IQGAP2: variants seen among roughly 807,000 people sequenced by gnomAD.
IQGAP2 encodes IQ motif containing GTPase activating protein 2, also known as ras GTPase-activating-like protein IQGAP2.
A neutral mutation model predicts 201.3 loss-of-function variants in IQGAP2; 173 were observed. That is an observed-to-expected ratio of 0.86 (90% CI 0.76 to 0.98). The LOEUF (loss-of-function observed/expected upper bound fraction) is 0.98, where lower values mean the gene tolerates loss of function less well. Among genes scored for constraint, IQGAP2 ranks in the 50% least tolerant of loss-of-function variants. The pLI is 0.00. For missense variants in IQGAP2, 1,687 were observed against 1,864.8 expected, an observed-to-expected ratio of 0.90 and a Z score of 1.76; for synonymous variants, 675 against 673.9, an observed-to-expected ratio of 1.00 and a Z score of -0.03.
At chr5:76,458,273 A>G (rs1240265117) in intron 1 of IQGAP2, among the ~76,000 whole-genome samples, 2 of 152,194 alleles carry the variant, frequency 1.3e-5, no homozygotes, top group East Asian at 1.9e-4. Context: ...GAACCACAGA[A>G]CCACACAGTA....
intron 22 of IQGAP2, among the ~76,000 whole-genome samples, chr5:76,666,995 C>T (rs1260679603): frequency 6.6e-6 from 1 of 152,200 alleles, no homozygotes; most frequent in Non-Finnish European, 1.5e-5. Context: ...ATCCACCCAT[C>T]TCAGCCTCCT....
Position 76,631,865 on chromosome 5 carries a change from C to A in IQGAP2, c.1619C>A (p.Thr540Asn). The A allele has an allele frequency of 1.3e-6, 2 of 1,580,388 alleles. No individual in the cohort carries two copies. Among genetic ancestry groups the A allele is most frequent in the Non-Finnish European group, 8.6e-7 (1 of 1,160,048 alleles). Residue 540 changes from threonine to asparagine, a missense_variant, in exon 15 of 36, where the codon ACT becomes AAT. Transcript: ENST00000274364. ...TTTTTTTTCAATTACCCAGGGGTTA[C>A]TCTGGTGGTTGATGTTAATCAGTGT... is the stretch of plus-strand genomic sequence containing the variant. ...VDKDRAKQWVTLVVDVNQCLE... is the reference protein window; with the variant it reads ...VDKDRAKQWVNLVVDVNQCLE...
intron 2 of IQGAP2, among the ~76,000 whole-genome samples, chr5:76,482,312 A>C (rs1009755317): frequency 3.9e-5 from 6 of 152,194 alleles, no homozygotes; most frequent in Admixed American, 6.5e-5. Context: ...ACCAAAATAT[A>C]TGCTTATAAA....
intron 30 of IQGAP2, 60 bp from the exon 31 acceptor site, chr5:76,693,295 C>T: frequency 8.8e-7 from 1 of 1,135,816 alleles, no homozygotes; most frequent in African/African-American, 1.6e-5. Flanking sequence ...TTAGGAGAAA[C>T]AGATTTTTGT....
At chr5:76,501,841 C>T (rs1284064968) in intron 2 of IQGAP2, among the ~76,000 whole-genome samples, 1 of 151,850 alleles carries the variant, frequency 6.6e-6, no homozygotes, top group Non-Finnish European at 1.5e-5. Flanking sequence ...GGGGGTTTCA[C>T]CATGTTGGTC....
At chr5:76,626,488 C>G (rs1750248604) in intron 13 of IQGAP2, among the ~76,000 whole-genome samples, 1 of 151,926 alleles carries the variant, frequency 6.6e-6, no homozygotes, top group Non-Finnish European at 1.5e-5. Flanking sequence ...CCAGGCTGGT[C>G]TCGAACTCCT....
At position 76,702,537 on chromosome 5, in the gene IQGAP2, G is replaced by A; in HGVS notation, c.4561G>A (p.Val1521Ile). The change falls in exon 35 of 36, where the codon GTA becomes ATA. Residue 1521 changes from valine to isoleucine, a missense_variant. Transcript: ENST00000274364. ...IATEDVGIFD[V>I]RSKFLGVEME... ...TACTGAAGATGTAGGCATTTTCGAT[G>A]TAAGATCAAAATTCCTTGGTGTTGA... The A allele has an allele frequency of 6.2e-7, 1 of 1,602,636 alleles. No individual in the cohort carries two copies. Among genetic ancestry groups the A allele is most frequent in the South Asian group, 1.1e-5 (1 of 90,786 alleles).
chr5:76,499,116 A>C (rs1385368741), intron 2 of IQGAP2, among the ~76,000 whole-genome samples: 1 of 152,128 alleles, frequency 6.6e-6, no homozygotes, highest in Non-Finnish European at 1.5e-5. Context: ...CCTGGCAGGG[A>C]ATTTGGGTTC....
chr5:76,541,970 T>A (rs189085403), intron 2 of IQGAP2, among the ~76,000 whole-genome samples: 11 of 152,340 alleles, frequency 7.2e-5, no homozygotes, highest in African/African-American at 2.6e-4. Flanking sequence ...AGAATGTTTA[T>A]TTTTTGTGTG....
chr5:76,637,142 A>G lies in IQGAP2; in HGVS notation c.1889A>G (p.Tyr630Cys), dbSNP rs1015665983. Residue 630 changes from tyrosine to cysteine, a missense_variant, in exon 16 of 36, where the codon TAT becomes TGT. Physicochemically the swap from Tyr to Cys is radical, Grantham distance 194. Coordinates refer to ENST00000274364, the MANE Select transcript of IQGAP2 (RefSeq NM_006633.5). ...TGGGTCACACCTGAATCATGCTTGTATAAAGAATCATGGCTCACAGGAAAA... is the reference window on the plus strand; with the variant it reads ...TGGGTCACACCTGAATCATGCTTGTGTAAAGAATCATGGCTCACAGGAAAA... ...SSWVTPESCL[Y>C]KESWLTGKEI... 1.1e-5 allele frequency: 18 copies of G among 1,609,288 alleles called. 1 individual carries two copies. Among genetic ancestry groups the G allele is most frequent in the Non-Finnish European group, 1.4e-5 (17 of 1,177,624 alleles).
Position 76,488,356 on chromosome 5 carries a change from A to G in IQGAP2, c.146+26687A>G, listed in dbSNP as rs77725565. 9.6e-3 allele frequency among the ~76,000 whole-genome samples: 1,463 copies of G among 152,300 alleles called. 21 individuals are homozygous for G. Among genetic ancestry groups the G allele is most frequent in the African/African-American group, 0.032 (1,346 of 41,566 alleles). On this transcript the variant is annotated intron_variant, in intron 2 of 35. Coordinates refer to ENST00000274364, the MANE Select transcript of IQGAP2 (RefSeq NM_006633.5). The stretch of plus-strand genomic sequence containing the variant: ...AGCTAAGGTCAGATCCTTCTCTTAT[A>G]GATTAAATATTCTTTTTTTAAAAAA...
chr5:76,632,673 A>G (rs1304855154), intron 15 of IQGAP2, among the ~76,000 whole-genome samples: 1 of 152,144 alleles, frequency 6.6e-6, no homozygotes, highest in Non-Finnish European at 1.5e-5. Context: ...AGCACCTACT[A>G]TTTCCTAGTG....
At chr5:76,593,879 A>G (rs910681490) in intron 9 of IQGAP2, among the ~76,000 whole-genome samples, 3 of 152,190 alleles carry the variant, frequency 2.0e-5, no homozygotes, top group African/African-American at 7.2e-5. Context: ...GTGTACACCC[A>G]CGGTGTTACT....
At chr5:76,499,830 G>A (rs1365063299) in intron 2 of IQGAP2, among the ~76,000 whole-genome samples, 1 of 152,182 alleles carries the variant, frequency 6.6e-6, no homozygotes, top group Non-Finnish European at 1.5e-5. Flanking sequence ...TCCTGCTGGG[G>A]CCTGGTGGCT....
At position 76,487,680 on chromosome 5, in the gene IQGAP2, T is replaced by G. The variant is rs558356344; in HGVS notation, c.146+26011T>G. ...AGGCACATGTATGTGCTTTTTTTTA[T>G]GCAGCGAGGTTAGAGAATGGGGGGC... is the stretch of plus-strand genomic sequence containing the variant. On this transcript the variant is annotated intron_variant, in intron 2 of 35. Coordinates refer to ENST00000274364, the MANE Select transcript of IQGAP2 (RefSeq NM_006633.5). Among the ~76,000 whole-genome samples the G allele has an allele frequency of 9.5e-4, 145 of 152,254 alleles. 1 individual carries two copies. Among genetic ancestry groups the G allele is most frequent in the African/African-American group, 3.3e-3 (139 of 41,544 alleles).
intron 2 of IQGAP2, among the ~76,000 whole-genome samples, chr5:76,532,656 C>A (rs1158264106): frequency 6.6e-6 from 1 of 152,132 alleles, no homozygotes; most frequent in African/African-American, 2.4e-5. Flanking sequence ...AGGGGTCCAC[C>A]ACCAGTCCTG....
intron 2 of IQGAP2, among the ~76,000 whole-genome samples, chr5:76,477,978 T>A (rs1042212816): frequency 2.0e-5 from 3 of 152,074 alleles, no homozygotes; most frequent in Non-Finnish European, 2.9e-5. Flanking sequence ...TGTGTTAAGC[T>A]AATGAGTCAA....
At chr5:76,676,299 C>T (rs1045676960) in intron 27 of IQGAP2, among the ~76,000 whole-genome samples, 5 of 152,238 alleles carry the variant, frequency 3.3e-5, no homozygotes, top group Middle Eastern at 3.4e-3. Context: ...CAGAAATCTA[C>T]AAAAAATTAT....
intron 1 of IQGAP2, among the ~76,000 whole-genome samples, chr5:76,447,864 A>G (rs1364143478): frequency 6.6e-6 from 1 of 152,222 alleles, no homozygotes; most frequent in Non-Finnish European, 1.5e-5. Flanking sequence ...TGAAAAATGG[A>G]TGATTTTTTT....
Sources: allele counts gnomAD v4.1 joint callset (sites outside exome capture counted in the v4.1 genomes callset), GRCh38; gene constraint gnomAD v4.1.1; transcripts MANE v1.5; gene names NCBI Gene and HGNC (gene_info 2026-07-23, HGNC 2026-07-21).